SLAIN1: variants seen among roughly 807,000 people sequenced by gnomAD.
SLAIN1 encodes SLAIN motif-containing protein 1.
SLAIN1 carries 17 observed loss-of-function variants against 55.4 expected under a neutral mutation model. The ratio of observed to expected loss-of-function variants is 0.31; its 90% CI spans 0.21 to 0.46. The LOEUF is 0.46. Ranked by LOEUF, SLAIN1 falls within the 20% of genes least tolerant of loss-of-function variation. SLAIN1 has a pLI of 1.00. For synonymous variants in SLAIN1, 348 were observed against 337.4 expected (o/e 1.03, Z -0.35); for missense variants, 682 against 785.1 (o/e 0.87, Z 1.57).
rs749558600 is a variant in SLAIN1, at chr13:77,744,301, C to T, written c.785C>T (p.Ser262Phe). The T allele has an allele frequency of 3.7e-6, 6 of 1,612,492 alleles. No individual in the cohort carries two copies. The Admixed American group carries it at 8.4e-5, about 22-fold the overall frequency. The change falls in exon 3 of 7, where the codon TCC becomes TTC. Residue 262 changes from serine to phenylalanine, a missense_variant. Ser to Phe is a radical substitution (Grantham distance 155). This residue lies in a region of SLAIN1 where 401 missense variants were observed against 417.3 expected (regional missense o/e 0.96). Transcript: ENST00000418532. ...RLEQGYTSRG[S>F]PLSPQSSIDS... is the part of the protein sequence containing the mutation. Reference sequence around the variant, plus strand: ...GTTTCAGGTTACACTTCCAGGGGCTCCCCACTCAGTCCCCAGTCATCTATC... The same window carrying T: ...GTTTCAGGTTACACTTCCAGGGGCTTCCCACTCAGTCCCCAGTCATCTATC...
Position 77,763,405 on chromosome 13 carries a change from A to G in SLAIN1, c.*185A>G. On this transcript the variant is annotated 3_prime_UTR_variant, in exon 7 of 7. Transcript: ENST00000418532. ...TATTGCACTTAAATATTTGCCTGAG[A>G]TACTGCAACATTCTCAAACCCATGG... 1.7e-6 allele frequency: 1 copy of G among 579,388 alleles called. No individual in the cohort carries two copies. The highest frequency in any genetic ancestry group is 3.1e-6 in the Non-Finnish European group (1 of 327,248). The allele number at this position is 579,388 out of a possible 1,614,324, so 35.9% of individuals were successfully genotyped here. A position where few individuals can be genotyped will look rare whatever the true frequency, so the allele number is the denominator to read the frequency against.
chr13:77,759,498 T>C (rs1216386661), intron 5 of SLAIN1, among the ~76,000 whole-genome samples: 3 of 152,156 alleles, frequency 2.0e-5, no homozygotes, highest in African/African-American at 7.2e-5. Flanking sequence ...GTGGACATTG[T>C]TGTGAAGGAC....
chr13:77,715,653 C>T (rs1660628519), intron 1 of SLAIN1, among the ~76,000 whole-genome samples: 2 of 152,102 alleles, frequency 1.3e-5, no homozygotes, highest in African/African-American at 4.8e-5. Context: ...GGTAGAATCT[C>T]ATTGTGGTTT....
intron 2 of SLAIN1, among the ~76,000 whole-genome samples, chr13:77,739,123 T>A (rs1873282342): frequency 6.6e-6 from 1 of 152,004 alleles, no homozygotes. Flanking sequence ...ACCGGAAGAT[T>A]GATATAAAAT....
intron 6 of SLAIN1, 21 bp from the exon 7 acceptor site, chr13:77,763,124 G>A: frequency 6.2e-7 from 1 of 1,603,208 alleles, no homozygotes; most frequent in Non-Finnish European, 8.5e-7. Context: ...CTCTCTCTCT[G>A]TTTTTCTTGT....
intron 2 of SLAIN1, among the ~76,000 whole-genome samples, chr13:77,720,018 A>G (rs760775783): frequency 6.6e-6 from 1 of 152,064 alleles, no homozygotes; most frequent in Non-Finnish European, 1.5e-5. Flanking sequence ...CTGTTTTCTA[A>G]GGCAGAAAAC....
intron 1 of SLAIN1, among the ~76,000 whole-genome samples, chr13:77,716,123 G>GTT (rs756094692): frequency 0.014 from 1,940 of 142,718 alleles, 38 homozygotes; most frequent in East Asian, 0.02. Flanking sequence ...TCAAAGTTTT[G>GTT]TTTTTTTTTT....
chr13:77,704,135 A>C (rs767162248), intron 1 of SLAIN1, among the ~76,000 whole-genome samples: 5 of 123,056 alleles, frequency 4.1e-5, no homozygotes, highest in Non-Finnish European at 8.3e-5. Flanking sequence ...CATATGTTTT[A>C]TATGTATATA....
intron 4 of SLAIN1, among the ~76,000 whole-genome samples, chr13:77,752,993 A>G (rs1594293832): frequency 1.3e-5 from 2 of 152,182 alleles, no homozygotes; most frequent in Admixed American, 6.5e-5. Context: ...TTGGCACTCA[A>G]TATTAACCAT....
In SLAIN1 at chr13:77,697,722, A is replaced by C; in HGVS notation, c.-192A>C. On this transcript the variant is annotated 5_prime_UTR_variant, in exon 1 of 7. Coordinates refer to ENST00000418532, the MANE Select transcript of SLAIN1 (RefSeq NM_001242868.2). ...GGGACGCACTGAGCATGTGCAGATC[A>C]GCTCGGTGGTGGCTGCCGCGGCCGG... is the stretch of plus-strand genomic sequence containing the variant. 3.2e-6 allele frequency: 1 copy of C among 315,750 alleles called. No individual in the cohort carries two copies. Among genetic ancestry groups the C allele is most frequent in the Non-Finnish European group, 5.2e-6 (1 of 192,160 alleles). The allele number at this position is 315,750 out of a possible 1,614,324, so 19.6% of individuals were successfully genotyped here.
chr13:77,735,433 C>T (rs964657482), intron 2 of SLAIN1, among the ~76,000 whole-genome samples: 1 of 152,126 alleles, frequency 6.6e-6, no homozygotes, highest in Non-Finnish European at 1.5e-5. Flanking sequence ...GCACGTTTTT[C>T]TGAGTGACTA....
chr13:77,762,009 A>T (rs1875067579), intron 6 of SLAIN1, among the ~76,000 whole-genome samples: 2 of 152,218 alleles, frequency 1.3e-5, no homozygotes, highest in African/African-American at 4.8e-5. Flanking sequence ...GCATTTATGG[A>T]TATATAAATA....
chr13:77,708,501 T>C (rs1368493240), intron 1 of SLAIN1, among the ~76,000 whole-genome samples: 2 of 152,180 alleles, frequency 1.3e-5, no homozygotes, highest in Non-Finnish European at 2.9e-5. Context: ...AGACACCTCA[T>C]ACGGGAGAGC....
chr13:77,705,375 A>T (rs2091079242), intron 1 of SLAIN1, among the ~76,000 whole-genome samples: 2 of 151,982 alleles, frequency 1.3e-5, no homozygotes, highest in South Asian at 4.1e-4. Context: ...TGACATTCCA[A>T]ATAGTAGTTT....
At chr13:77,736,815 T>G (rs1202696485) in intron 2 of SLAIN1, among the ~76,000 whole-genome samples, 1 of 151,834 alleles carries the variant, frequency 6.6e-6, no homozygotes, top group African/African-American at 2.4e-5. Flanking sequence ...TGGTTGGGAC[T>G]GGATGCATCT....
chr13:77,746,384 A>G, intron 3 of SLAIN1, 130 bp from the exon 4 acceptor site: 1 of 728,586 alleles, frequency 1.4e-6, no homozygotes, highest in Non-Finnish European at 2.2e-6. Context: ...CAATTTAGTA[A>G]ACTTGAGAAC....
chr13:77,740,818 T>G (rs1444956346), intron 2 of SLAIN1, among the ~76,000 whole-genome samples: 4 of 152,084 alleles, frequency 2.6e-5, no homozygotes, highest in African/African-American at 9.7e-5. Flanking sequence ...TCTTTAGCTA[T>G]GTACTGAAGA....
Position 77,697,692 on chromosome 13 carries a change from C to T in SLAIN1, c.-222C>T, listed in dbSNP as rs2090986498. 6.7e-6 allele frequency among the ~76,000 whole-genome samples: 1 copy of T among 149,818 alleles called. No individual in the cohort carries two copies. Among genetic ancestry groups the T allele is most frequent in the Non-Finnish European group, 1.5e-5 (1 of 67,520 alleles). On this transcript the variant is annotated 5_prime_UTR_variant, in exon 1 of 7. Coordinates refer to ENST00000418532, the MANE Select transcript of SLAIN1 (RefSeq NM_001242868.2). ...CGGAGCCGCCGCGACGCCCAGGGGA[C>T]TGGAGGGACGCACTGAGCATGTGCA...
chr13:77,758,421 G>T (rs1146919), intron 5 of SLAIN1, among the ~76,000 whole-genome samples: 62,541 of 151,742 alleles, frequency 0.41, 13,870 homozygotes, highest in African/African-American at 0.57. Flanking sequence ...CAGAAGCTTT[G>T]TAGTTTAATT....
Sources: gnomAD v4.1 joint callset for allele counts (sites outside exome capture counted in the v4.1 genomes callset) on GRCh38, gnomAD v4.1.1 for gene constraint, gnomAD v4.1.1 regional missense constraint, MANE v1.5 for transcripts, NCBI Gene and HGNC (gene_info 2026-07-23, HGNC 2026-07-21) for gene names.